The following SLC24A3 variants were observed in gnomAD, a reference collection of about 807,000 sequenced individuals.
The protein encoded by SLC24A3 is solute carrier family 24 member 3.
Under a neutral mutation model 75.8 loss-of-function variants are expected in SLC24A3, and 28 were observed. That is an observed-to-expected ratio of 0.37 (90% CI 0.27 to 0.51). The LOEUF is 0.51. Among genes scored for constraint, SLC24A3 ranks in the 20% least tolerant of loss-of-function variants. The pLI is 0.94. For synonymous variants in SLC24A3, 372 were observed against 334.1 expected, an observed-to-expected ratio of 1.11 and a Z score of -1.24; for missense variants, 663 against 847.8, an observed-to-expected ratio of 0.78 and a Z score of 2.71.
At chr20:19,346,896 C>G (rs1985440913) in intron 2 of SLC24A3, among the ~76,000 whole-genome samples, 1 of 152,006 alleles carries the variant, frequency 6.6e-6, no homozygotes, top group Non-Finnish European at 1.5e-5. Flanking sequence ...ACTGTTTAAA[C>G]ACACAAACAG....
At chr20:19,363,131 A>G (rs1258237711) in intron 2 of SLC24A3, among the ~76,000 whole-genome samples, 1 of 152,128 alleles carries the variant, frequency 6.6e-6, no homozygotes, top group African/African-American at 2.4e-5. Context: ...TCGTCACTCC[A>G]TCCCCCGAGG....
At chr20:19,318,699 A>G (rs1291798681) in intron 2 of SLC24A3, among the ~76,000 whole-genome samples, 2 of 151,996 alleles carry the variant, frequency 1.3e-5, no homozygotes, top group African/African-American at 2.4e-5. Context: ...ACTGCTGTGC[A>G]CCTGAGACAC....
Position 19,469,444 on chromosome 20 carries a change from G to A in SLC24A3, c.272-46044G>A, listed in dbSNP as rs149938888. Among the ~76,000 whole-genome samples the A allele has an allele frequency of 8.5e-5, 13 of 152,258 alleles. No individual in the cohort carries two copies. The East Asian group carries it at 9.7e-4, about 11-fold the overall frequency. ...TTGGAGAACAACATGTTCCCAAGCC[G>A]CCCCTGGTCAACCTGCCATACTGGA... On this transcript the variant is annotated intron_variant, in intron 2 of 16. Coordinates refer to ENST00000328041, the MANE Select transcript of SLC24A3 (RefSeq NM_020689.4).
rs187065545 is a variant in SLC24A3, at chr20:19,432,326, A to C, written c.272-83162A>C. On this transcript the variant is annotated intron_variant, in intron 2 of 16. Coordinates refer to ENST00000328041, the MANE Select transcript of SLC24A3 (RefSeq NM_020689.4). ...TATATATAATCTTAATAATCATCCT[A>C]ATAAACAATTTTCAGAGTCAAAATT... Among the ~76,000 whole-genome samples the C allele has an allele frequency of 7.7e-3, 1,148 of 149,330 alleles. 17 individuals are homozygous for C. The highest frequency in any genetic ancestry group is 7.7e-3 in the Non-Finnish European group (520 of 67,486).
Position 19,638,948 on chromosome 20 carries a change from G to A in SLC24A3, c.613-15114G>A, listed in dbSNP as rs8125973. On this transcript the variant is annotated intron_variant, in intron 6 of 16. Coordinates refer to ENST00000328041, the MANE Select transcript of SLC24A3 (RefSeq NM_020689.4). ...GCAGTGTGGACCCAAAGAGTGAGCA[G>A]TAGCAAGACTCATTGCAAAGAGTGA... is the stretch of plus-strand genomic sequence containing the variant. Among the ~76,000 whole-genome samples the A allele has an allele frequency of 5.3e-5, 8 of 152,158 alleles. 1 individual carries two copies. Among genetic ancestry groups the A allele is most frequent in the Admixed American group, 2.6e-4 (4 of 15,284 alleles).
Position 19,347,650 on chromosome 20 carries a change from G to A in SLC24A3, c.271+66563G>A, listed in dbSNP as rs575961041. ...AAAATAAATTGGAACAGAATTCATG[G>A]TTTGCTTGTTAAAAAATGAGTTCTG... is the stretch of plus-strand genomic sequence containing the variant. On this transcript the variant is annotated intron_variant, in intron 2 of 16. Coordinates refer to ENST00000328041, the MANE Select transcript of SLC24A3 (RefSeq NM_020689.4). 5.9e-5 allele frequency among the ~76,000 whole-genome samples: 9 copies of A among 152,272 alleles called. No individual in the cohort carries two copies. The East Asian group carries it at 1.5e-3, about 26-fold the overall frequency.
chr20:19,460,685 G>C (rs1374270370), intron 2 of SLC24A3, among the ~76,000 whole-genome samples: 1 of 152,144 alleles, frequency 6.6e-6, no homozygotes, highest in African/African-American at 2.4e-5. Context: ...CCTCCGGGGT[G>C]TTTATGGTGG....
In SLC24A3 at chr20:19,602,288, C is replaced by T. The variant is rs2031537227; in HGVS notation, c.612+16744C>T. Among the ~76,000 whole-genome samples the T allele has an allele frequency of 2.0e-5, 3 of 151,924 alleles. No individual in the cohort carries two copies. The South Asian group carries it at 6.2e-4, about 32-fold the overall frequency. The stretch of plus-strand genomic sequence containing the variant: ...ATTTTATTTAATCTTTTCTAGAGTC[C>T]CCTGAAAAAAGTACTATCATTGTCC... On this transcript the variant is annotated intron_variant, in intron 6 of 16. Coordinates refer to ENST00000328041, the MANE Select transcript of SLC24A3 (RefSeq NM_020689.4).
intron 6 of SLC24A3, among the ~76,000 whole-genome samples, chr20:19,609,101 A>T (rs78132062): frequency 0.014 from 2,108 of 152,238 alleles, 44 homozygotes; most frequent in African/African-American, 0.046. Flanking sequence ...CCCCAAAGAA[A>T]ATGATACTAA....
In SLC24A3 at chr20:19,603,770, T is replaced by C. The variant is rs563116222; in HGVS notation, c.612+18226T>C. 3.3e-5 allele frequency among the ~76,000 whole-genome samples: 5 copies of C among 152,198 alleles called. No individual in the cohort carries two copies. In the South Asian group the frequency reaches 1.0e-3, roughly 32 times the overall value. ...TGGCCTTGGAGCCACATTATGCACA[T>C]ATTCAAAGAAAAAAAAACAAGGCTG... On this transcript the variant is annotated intron_variant, in intron 6 of 16. Coordinates refer to ENST00000328041, the MANE Select transcript of SLC24A3 (RefSeq NM_020689.4).
intron 1 of SLC24A3, among the ~76,000 whole-genome samples, chr20:19,247,531 C>T (rs1057426567): frequency 2.0e-5 from 3 of 152,116 alleles, no homozygotes; most frequent in Admixed American, 6.5e-5. Context: ...CTGAAATGCT[C>T]ATTTCTAGAG....
intron 9 of SLC24A3, among the ~76,000 whole-genome samples, chr20:19,678,779 TCTC>T (rs1215976612): frequency 6.9e-6 from 1 of 144,684 alleles, no homozygotes; most frequent in Non-Finnish European, 1.5e-5. Context: ...GCTCCTCACT[TCTC>T]AGACGGGGCG....
At chr20:19,535,941 G>A (rs2030388141) in intron 3 of SLC24A3, among the ~76,000 whole-genome samples, 1 of 152,186 alleles carries the variant, frequency 6.6e-6, no homozygotes, top group Non-Finnish European at 1.5e-5. Context: ...GCAAAGAGAG[G>A]AAAAGGGAGA....
chr20:19,299,336 G>A (rs1432958083), intron 2 of SLC24A3, among the ~76,000 whole-genome samples: 2 of 152,106 alleles, frequency 1.3e-5, no homozygotes, highest in African/African-American at 4.8e-5. Context: ...ACAGCAGTGG[G>A]CTCAGCTGAA....
intron 3 of SLC24A3, among the ~76,000 whole-genome samples, chr20:19,527,307 C>G (rs1245863788): frequency 6.6e-6 from 1 of 152,190 alleles, no homozygotes; most frequent in Non-Finnish European, 1.5e-5. Flanking sequence ...CTTTATGTCC[C>G]CATCATGCCC....
At position 19,348,773 on chromosome 20, in the gene SLC24A3, C is replaced by T. The variant is rs534338832; in HGVS notation, c.271+67686C>T. ...CCGAGGAGTGCATGGAGTGCACACACAGACTGCTTGCTGTTTATTGAGTAA... is the reference window on the plus strand; with the variant it reads ...CCGAGGAGTGCATGGAGTGCACACATAGACTGCTTGCTGTTTATTGAGTAA... On this transcript the variant is annotated intron_variant, in intron 2 of 16. Coordinates refer to ENST00000328041, the MANE Select transcript of SLC24A3 (RefSeq NM_020689.4). Among the ~76,000 whole-genome samples the T allele has an allele frequency of 1.2e-4, 19 of 152,280 alleles. No individual in the cohort carries two copies. The South Asian group carries it at 3.5e-3, about 28-fold the overall frequency.
chr20:19,518,029 G>T (rs1048100172), intron 3 of SLC24A3, among the ~76,000 whole-genome samples: 2 of 152,210 alleles, frequency 1.3e-5, no homozygotes, highest in Non-Finnish European at 2.9e-5. Flanking sequence ...TGAATGCCTG[G>T]AGTTGGACAG....
At chr20:19,575,067 T>C (rs981975587) in intron 3 of SLC24A3, among the ~76,000 whole-genome samples, 4 of 151,370 alleles carry the variant, frequency 2.6e-5, no homozygotes, top group Admixed American at 6.6e-5. Context: ...CTGGGCAACA[T>C]GGTGAAACTC....
chr20:19,486,263 G>A (rs1988125906), intron 2 of SLC24A3, among the ~76,000 whole-genome samples: 1 of 152,112 alleles, frequency 6.6e-6, no homozygotes, highest in Admixed American at 6.5e-5. Context: ...TTCCTAAATT[G>A]TAAGAACAGA....
Sources: allele counts gnomAD v4.1 joint callset (sites outside exome capture counted in the v4.1 genomes callset), GRCh38; gene constraint gnomAD v4.1.1; transcripts MANE v1.5; gene names NCBI Gene and HGNC (gene_info 2026-07-23, HGNC 2026-07-21).